RANBP9: variants seen among roughly 807,000 people sequenced by gnomAD.
RANBP9 encodes RAN binding protein 9, also known as ran-binding protein 9.
A neutral mutation model predicts 84.3 loss-of-function variants in RANBP9; 15 were observed. The ratio of observed to expected loss-of-function variants is 0.18; its 90% CI spans 0.12 to 0.27. The LOEUF (loss-of-function observed/expected upper bound fraction) is 0.27. Ranked by LOEUF, RANBP9 falls within the 10% of genes least tolerant of loss-of-function variation. RANBP9 has a pLI of 1.00. For missense variants in RANBP9, 809 were observed against 912.8 expected, an observed-to-expected ratio of 0.89 and a Z score of 1.46; for synonymous variants, 392 against 349.6, an observed-to-expected ratio of 1.12 and a Z score of -1.35.
intron 2 of RANBP9, among the ~76,000 whole-genome samples, chr6:13,660,417 G>A (rs1043711664): frequency 4.6e-5 from 7 of 152,134 alleles, no homozygotes; most frequent in African/African-American, 1.7e-4. Flanking sequence ...ACTGAGGTGG[G>A]AGGACTGCTT....
In RANBP9 at chr6:13,710,970, C is replaced by A; in HGVS notation, c.536G>T (p.Gly179Val). The stretch of plus-strand genomic sequence containing the variant: ...CACCCGCAGGTTGTTCTGAGAGAGG[C>A]CGATGTAGCTGAACTTGTCCTTCGG... Reference protein sequence around the residue: ...WSPKDKFSYIGLSQNNLRVHY... With the variant: ...WSPKDKFSYIVLSQNNLRVHY... Residue 179 changes from glycine (G) to valine (V), a missense_variant, in exon 1 of 14, where the codon GGC (glycine) becomes GTC (valine). This residue lies in a region of RANBP9 where 302 missense variants were observed against 240.1 expected (regional missense o/e 1.26). Coordinates refer to ENST00000011619, the MANE Select transcript of RANBP9 (RefSeq NM_005493.3). The A allele has an allele frequency of 1.2e-6, 2 of 1,609,898 alleles. No individual in the cohort carries two copies. Among genetic ancestry groups the A allele is most frequent in the Middle Eastern group, 1.7e-4 (1 of 6,054 alleles).
intron 2 of RANBP9, among the ~76,000 whole-genome samples, chr6:13,695,035 A>G (rs1766409647): frequency 6.6e-6 from 1 of 152,200 alleles, no homozygotes; most frequent in Admixed American, 6.5e-5. Context: ...AAATATACCT[A>G]ATTTTAAAAA....
chr6:13,623,785 C>T lies in RANBP9; in HGVS notation c.2060-1293G>A, dbSNP rs180883995. 8.0e-3 allele frequency among the ~76,000 whole-genome samples: 1,210 copies of T among 152,102 alleles called. 17 individuals carry two copies. The highest frequency in any genetic ancestry group is 8.6e-3 in the Non-Finnish European group (583 of 68,012). On this transcript the variant is annotated intron_variant, in intron 13 of 13. Transcript: ENST00000011619. ...ATTGTGTCATTAATTTTACAGGAAT[C>T]GCATACATTTATATTAATAAGATTA...
chr6:13,649,838 G>A (rs1158542460), intron 5 of RANBP9, among the ~76,000 whole-genome samples: 4 of 152,068 alleles, frequency 2.6e-5, no homozygotes, highest in Admixed American at 6.5e-5. Context: ...CAATCAGGAT[G>A]TCTCCATCCC....
intron 11 of RANBP9, among the ~76,000 whole-genome samples, chr6:13,633,808 C>T (rs1483321141): frequency 6.6e-6 from 1 of 152,074 alleles, no homozygotes; most frequent in African/African-American, 2.4e-5. Flanking sequence ...AAAATGTAAT[C>T]CAACAAATAA....
At chr6:13,625,971 G>A (rs1764591285) in intron 12 of RANBP9, among the ~76,000 whole-genome samples, 1 of 151,842 alleles carries the variant, frequency 6.6e-6, no homozygotes, top group Non-Finnish European at 1.5e-5. Flanking sequence ...TTTTTCCTGT[G>A]GACAGCCATT....
Position 13,711,185 on chromosome 6 carries a change from G to T in RANBP9, c.321C>A (p.Gly107=). 1 of 1,259,914 alleles carries T rather than the reference G, an allele frequency of 7.9e-7. No individual in the cohort carries two copies. Among genetic ancestry groups the T allele is most frequent in the Non-Finnish European group, 1.0e-6 (1 of 1,003,892 alleles). The allele number at this position is 1,259,914 out of a possible 1,614,324, so 78.0% of individuals were successfully genotyped here. A position where few individuals can be genotyped will look rare whatever the true frequency, so the allele number is the denominator to read the frequency against. ...CAGCCGGGCCGGGGCCCGCTGCAAG[G>T]CCCGGGGGAGCGGGCGGCCCGCTGG... ...APASGPPAPP[G]LAAGPGPAGG... Residue 107 remains glycine (G), a synonymous_variant, in exon 1 of 14, where the codon GGC becomes GGA. Coordinates refer to ENST00000011619, the MANE Select transcript of RANBP9 (RefSeq NM_005493.3).
intron 5 of RANBP9, among the ~76,000 whole-genome samples, chr6:13,651,861 C>G (rs1765305445): frequency 6.6e-6 from 1 of 152,186 alleles, no homozygotes; most frequent in Non-Finnish European, 1.5e-5. Flanking sequence ...AGCTTACCCC[C>G]AACCCCATTA....
chr6:13,687,920 G>A (rs1415383296), intron 2 of RANBP9, among the ~76,000 whole-genome samples: 1 of 152,162 alleles, frequency 6.6e-6, no homozygotes. Flanking sequence ...ATCATCTCCA[G>A]ACACATTCCT....
intron 6 of RANBP9, among the ~76,000 whole-genome samples, chr6:13,643,909 CCAACATT>C (rs1172889582): frequency 1.3e-5 from 2 of 152,016 alleles, no homozygotes; most frequent in African/African-American, 4.8e-5. Context: ...AAAAATACCC[CCAACATT>C]TTATTACAAT....
chr6:13,624,728 G>A (rs962557193), intron 13 of RANBP9, among the ~76,000 whole-genome samples: 1 of 151,968 alleles, frequency 6.6e-6, no homozygotes, highest in Non-Finnish European at 1.5e-5. Flanking sequence ...TTAGCGTTTC[G>A]CACTTGATGC....
At chr6:13,627,057 G>T (rs1235748631) in intron 12 of RANBP9, among the ~76,000 whole-genome samples, 2 of 152,070 alleles carry the variant, frequency 1.3e-5, no homozygotes, top group East Asian at 3.8e-4. Flanking sequence ...TTTCATTCTG[G>T]GTAGTTTTCT....
intron 2 of RANBP9, among the ~76,000 whole-genome samples, chr6:13,676,582 A>T (rs181505948): frequency 4.7e-4 from 72 of 152,244 alleles, no homozygotes; most frequent in Admixed American, 2.6e-3. Flanking sequence ...AAATCCAACA[A>T]GGTATACAAG....
Position 13,711,484 on chromosome 6 carries a change from G to A in RANBP9, c.22C>T (p.Pro8Ser), listed in dbSNP as rs1758286463. 4 of 1,246,896 alleles carry A rather than the reference G, an allele frequency of 3.2e-6. No homozygotes were observed. The highest frequency in any genetic ancestry group is 4.0e-6 in the Non-Finnish European group (4 of 995,096). The allele number at this position is 1,246,896 out of a possible 1,614,324, so 77.2% of individuals were successfully genotyped here. Residue 8 changes from proline to serine, a missense_variant, in exon 1 of 14, where the codon CCG becomes TCG. This residue lies in a region of RANBP9 where 302 missense variants were observed against 240.1 expected (regional missense o/e 1.26). Coordinates refer to ENST00000011619, the MANE Select transcript of RANBP9 (RefSeq NM_005493.3). The part of the protein sequence containing the change: MSGQPPP[P>S]PPQQQQQQQQ... The stretch of plus-strand genomic sequence containing the variant: ...TGCTGTTGCTGCTGCTGCGGCGGCG[G>A]CGGCGGCGGCTGCCCGGACATCCCG...
At chr6:13,669,003 C>T (rs925457341) in intron 2 of RANBP9, among the ~76,000 whole-genome samples, 2 of 151,918 alleles carry the variant, frequency 1.3e-5, no homozygotes, top group Non-Finnish European at 2.9e-5. Flanking sequence ...TCTCCTCCCC[C>T]AAAATTATTA....
chr6:13,632,118 C>CTTTTTTTTTTTTTTTTTT lies in RANBP9; in HGVS notation c.1947+234_1947+251dup. On this transcript the variant is annotated intron_variant, in intron 12 of 13. Coordinates refer to ENST00000011619, the MANE Select transcript of RANBP9 (RefSeq NM_005493.3). ...TAAGCACTAGCACTGGGATTTAATC[C>CTTTTTTTTTTTTTTTTTT]TTTTTTTTTTTTTTTTTTTTTTTTT... 2.7e-5 allele frequency among the ~76,000 whole-genome samples: 2 copies of CTTTTTTTTTTTTTTTTTT among 74,922 alleles called. 1 individual carries two copies. The highest frequency in any genetic ancestry group is 5.2e-5 in the Non-Finnish European group (2 of 38,566). 49.2% of individuals were successfully genotyped at this position (74,922 alleles called of 152,430 possible). A position where few individuals can be genotyped will look rare whatever the true frequency, so the allele number is the denominator to read the frequency against.
At chr6:13,693,869 C>G (rs904722605) in intron 2 of RANBP9, among the ~76,000 whole-genome samples, 1 of 152,004 alleles carries the variant, frequency 6.6e-6, no homozygotes, top group African/African-American at 2.4e-5. Context: ...ATTGTGAAAC[C>G]CTGTCTCTAC....
At chr6:13,666,862 A>G (rs1375196433) in intron 2 of RANBP9, among the ~76,000 whole-genome samples, 4 of 152,126 alleles carry the variant, frequency 2.6e-5, no homozygotes, top group African/African-American at 4.8e-5. Context: ...AATGGGTGTC[A>G]TAAGAGTTAC....
At chr6:13,630,661 T>C (rs1764753600) in intron 12 of RANBP9, among the ~76,000 whole-genome samples, 1 of 152,210 alleles carries the variant, frequency 6.6e-6, no homozygotes, top group Non-Finnish European at 1.5e-5. Context: ...AAGATGTTCC[T>C]TGCCCTTTTC....
Sources: allele counts gnomAD v4.1 joint callset (sites outside exome capture counted in the v4.1 genomes callset), GRCh38; gene constraint gnomAD v4.1.1; regional missense constraint gnomAD v4.1.1; transcripts MANE v1.5; gene names NCBI Gene and HGNC (gene_info 2026-07-23, HGNC 2026-07-21).